The following RBX1 variants were observed in gnomAD, a reference collection of about 807,000 sequenced individuals.
The protein encoded by RBX1 is E3 ubiquitin-protein ligase RBX1.
For missense variants in RBX1, 46 were observed against 141.4 expected (o/e 0.33, Z 3.42); for synonymous variants, 48 against 47.9 (o/e 1.00, Z -0.01).
chr22:40,957,300 C>A (rs2058328325), intron 2 of RBX1, among the ~76,000 whole-genome samples: 1 of 149,926 alleles, frequency 6.7e-6, no homozygotes, highest in Admixed American at 6.7e-5. Context: ...AGCCGAGATC[C>A]TGCCATTGCA....
intron 2 of RBX1, among the ~76,000 whole-genome samples, chr22:40,958,158 C>G (rs1270853276): frequency 2.0e-5 from 3 of 151,966 alleles, no homozygotes; most frequent in African/African-American, 7.2e-5. Context: ...TTGGGTCTTG[C>G]TGTGTTGTCC....
chr22:40,971,085 C>G (rs2146304873), intron 4 of RBX1, among the ~76,000 whole-genome samples: 1 of 152,262 alleles, frequency 6.6e-6, no homozygotes, highest in Non-Finnish European at 1.5e-5. Flanking sequence ...TTGGCTCTGC[C>G]CTACAGCAGG....
chr22:40,965,211 G>A (rs976395254), intron 3 of RBX1, among the ~76,000 whole-genome samples: 1 of 151,832 alleles, frequency 6.6e-6, no homozygotes, highest in Non-Finnish European at 1.5e-5. Context: ...GCTGAGGCAG[G>A]AGAATGGCGT....
intron 4 of RBX1, 80 bp downstream of exon 4, chr22:40,967,964 AT>A: frequency 1.1e-6 from 1 of 912,924 alleles, no homozygotes; most frequent in Non-Finnish European, 1.8e-6. Flanking sequence ...GGATGGAGAC[AT>A]GATACATGCC....
chr22:40,955,097 T>G (rs1486137157), intron 2 of RBX1, among the ~76,000 whole-genome samples: 1 of 152,188 alleles, frequency 6.6e-6, no homozygotes, highest in East Asian at 1.9e-4. Flanking sequence ...TGCTTTTCCA[T>G]TCTTAAGTGT....
At position 40,972,947 on chromosome 22, in the gene RBX1, G is replaced by T; in HGVS notation, c.*459G>T. 1 of 162,682 alleles carries T rather than the reference G, an allele frequency of 6.1e-6. No homozygotes were observed. Among genetic ancestry groups the T allele is most frequent in the Non-Finnish European group, 1.3e-5 (1 of 74,082 alleles). 10.1% of individuals were successfully genotyped at this position (162,682 alleles called of 1,614,324 possible). On this transcript the variant is annotated 3_prime_UTR_variant, in exon 5 of 5. Coordinates refer to ENST00000216225, the MANE Select transcript of RBX1 (RefSeq NM_014248.4). The stretch of plus-strand genomic sequence containing the variant: ...GGATTCAGTCATCAAACCCAGTTCT[G>T]AGTCCTGGTTCCACAGCTTGGGTAC...
intron 2 of RBX1, 73 bp from the exon 3 acceptor site, chr22:40,963,973 AT>A: frequency 9.1e-7 from 1 of 1,098,164 alleles, no homozygotes; most frequent in East Asian, 2.4e-5. Context: ...CCACTTGAGA[AT>A]TGTTTTGGCT....
chr22:40,965,085 A>T (rs766412818), intron 3 of RBX1, among the ~76,000 whole-genome samples: 1 of 152,176 alleles, frequency 6.6e-6, no homozygotes, highest in Non-Finnish European at 1.5e-5. Context: ...CGGGTGCATC[A>T]TGAGGTCAGC....
At chr22:40,951,859 G>A (rs1338261654) in intron 1 of RBX1, among the ~76,000 whole-genome samples, 1 of 152,030 alleles carries the variant, frequency 6.6e-6, no homozygotes, top group East Asian at 1.9e-4. Flanking sequence ...GTGGAGGATG[G>A]GGCAGTGCGG....
In RBX1 at chr22:40,967,986, T is replaced by A. The variant is rs992688468; in HGVS notation, c.314+102T>A. On this transcript the variant is annotated intron_variant, in intron 4 of 4. Transcript: ENST00000216225. ...GACATGATACATGCCTTGTTTTTTT[T>A]AAAACTAGTTTTTGGTTACTTAAGC... The A allele has an allele frequency of 5.5e-5, 41 of 747,340 alleles. 1 individual carries two copies. In the South Asian group the frequency reaches 5.6e-4, roughly 10 times the overall value. 46.3% of individuals were successfully genotyped at this position (747,340 alleles called of 1,614,324 possible).
intron 2 of RBX1, among the ~76,000 whole-genome samples, chr22:40,963,292 A>G (rs1240700968): frequency 6.6e-6 from 1 of 152,098 alleles, no homozygotes; most frequent in East Asian, 1.9e-4. Flanking sequence ...TTGTTCTGTG[A>G]ATATTTATCC....
intron 2 of RBX1, among the ~76,000 whole-genome samples, chr22:40,961,059 C>T (rs908990285): frequency 6.1e-5 from 9 of 147,484 alleles, no homozygotes; most frequent in Non-Finnish European, 1.0e-4. Context: ...CCACCACGCC[C>T]GGCCGAGCCA....
At chr22:40,951,723 G>T (rs2058311116) in intron 1 of RBX1, among the ~76,000 whole-genome samples, 1 of 151,770 alleles carries the variant, frequency 6.6e-6, no homozygotes, top group Non-Finnish European at 1.5e-5. Flanking sequence ...ATTGAGATAC[G>T]CGGGGTTGCG....
chr22:40,967,342 G>C (rs2058357023), intron 3 of RBX1: 6 of 155,684 alleles, frequency 3.9e-5, no homozygotes, highest in Admixed American at 3.1e-4. Flanking sequence ...TCTCTACCAA[G>C]GGCTGGGGAG....
chr22:40,972,412 G>A, intron 4 of RBX1, 64 bp from the exon 5 acceptor site: 1 of 1,365,826 alleles, frequency 7.3e-7, no homozygotes, highest in Non-Finnish European at 1.0e-6. Context: ...TGTTTAAGCA[G>A]GTTTTATGTC....
intron 1 of RBX1, among the ~76,000 whole-genome samples, chr22:40,952,654 C>T (rs1378708272): frequency 6.6e-6 from 1 of 152,164 alleles, no homozygotes; most frequent in Non-Finnish European, 1.5e-5. Flanking sequence ...GAATTATTAT[C>T]TTAATAGAAG....
At chr22:40,966,093 G>A (rs1329263342) in intron 3 of RBX1, 2 of 152,094 alleles carry the variant, frequency 1.3e-5, no homozygotes, top group Non-Finnish European at 2.9e-5. Context: ...TCACTTGTCT[G>A]GGTTTCAGTT....
intron 1 of RBX1, among the ~76,000 whole-genome samples, chr22:40,953,125 G>A (rs2058315924): frequency 6.6e-6 from 1 of 151,570 alleles, no homozygotes; most frequent in African/African-American, 2.4e-5. Context: ...CAAACAGCTG[G>A]TATTATAGAC....
intron 2 of RBX1, among the ~76,000 whole-genome samples, chr22:40,957,216 G>A (rs550307323): frequency 2.0e-5 from 3 of 151,664 alleles, no homozygotes; most frequent in South Asian, 4.2e-4. Context: ...GTGGTAGCAC[G>A]CACCTGTAAT....
Sources: gnomAD v4.1 joint callset for allele counts (sites outside exome capture counted in the v4.1 genomes callset) on GRCh38, gnomAD v4.1.1 for gene constraint, MANE v1.5 for transcripts, NCBI Gene and HGNC (gene_info 2026-07-23, HGNC 2026-07-21) for gene names.